Variants in CENPO observed in about 807,000 individuals in gnomAD.
The protein encoded by CENPO is centromere protein O.
Under a neutral mutation model 36.1 loss-of-function variants are expected in CENPO, and 30 were observed. The observed-to-expected ratio is 0.83, with a 90% CI of 0.62 to 1.13. CENPO has a LOEUF of 1.13. CENPO is among the 50% of genes most tolerant of loss of function. The pLI, the probability that CENPO is intolerant of heterozygous loss-of-function variation, is 0.00. For missense variants in CENPO, 349 were observed against 357.8 expected, an observed-to-expected ratio of 0.98 and a Z score of 0.20; for synonymous variants, 171 against 142.3, an observed-to-expected ratio of 1.20 and a Z score of -1.44.
intron 3 of CENPO, among the ~76,000 whole-genome samples, chr2:24,804,821 A>G (rs1199512013): frequency 6.6e-6 from 1 of 152,070 alleles, no homozygotes; most frequent in East Asian, 1.9e-4. Context: ...TGCTCTTCTC[A>G]AGGAGTATCT....
At chr2:24,799,884 A>G (rs766694224) in intron 3 of CENPO, 40 bp downstream of exon 3, 1 of 1,601,046 alleles carries the variant, frequency 6.2e-7, no homozygotes, top group South Asian at 1.1e-5. Flanking sequence ...TTTAGAGTAT[A>G]ATGAACAAAC....
chr2:24,798,159 T>C (rs1665994810), intron 2 of CENPO, among the ~76,000 whole-genome samples: 1 of 152,130 alleles, frequency 6.6e-6, no homozygotes, highest in African/African-American at 2.4e-5. Context: ...TGGACAACTC[T>C]TTTAAGTAGT....
chr2:24,806,725 A>C (rs752737377), intron 3 of CENPO, among the ~76,000 whole-genome samples: 6 of 152,162 alleles, frequency 3.9e-5, no homozygotes, highest in Non-Finnish European at 7.3e-5. Context: ...ATTTTTACCA[A>C]TACTTAAAGT....
intron 4 of CENPO, 146 bp downstream of exon 4, chr2:24,814,639 C>G (rs199796000): frequency 1.3e-5 from 6 of 474,674 alleles, no homozygotes; most frequent in Non-Finnish European, 2.3e-5. Context: ...CACACACACA[C>G]AGACACACAC....
Position 24,822,317 on chromosome 2 carries a change from G to T in CENPO, c.*2999G>T. The T allele has an allele frequency of 1.4e-6, 1 of 726,658 alleles. No individual in the cohort carries two copies. Among genetic ancestry groups the T allele is most frequent in the Non-Finnish European group, 2.2e-6 (1 of 455,958 alleles). 45.0% of individuals were successfully genotyped at this position (726,658 alleles called of 1,614,324 possible). ...TGAGCTGTGAACAGCAGGGGGTTGT[G>T]TGTCTGTTCTGTTTCTCTGCTTGCC... On this transcript the variant is annotated 3_prime_UTR_variant, in exon 8 of 8. Coordinates refer to ENST00000380834, the MANE Select transcript of CENPO (RefSeq NM_001322101.2).
At chr2:24,813,101 C>T (rs1666772882) in intron 3 of CENPO, among the ~76,000 whole-genome samples, 1 of 151,748 alleles carries the variant, frequency 6.6e-6, no homozygotes, top group Non-Finnish European at 1.5e-5. Context: ...CAAAAATTAG[C>T]GAGGCGTGGT....
Position 24,820,613 on chromosome 2 carries a change from G to A in CENPO, c.*1295G>A, listed in dbSNP as rs1250922920. The A allele has an allele frequency of 1.3e-6, 2 of 1,537,546 alleles. No homozygotes were observed. Among genetic ancestry groups the A allele is most frequent in the Non-Finnish European group, 1.8e-6 (2 of 1,134,094 alleles). On this transcript the variant is annotated 3_prime_UTR_variant, in exon 8 of 8. Coordinates refer to ENST00000380834, the MANE Select transcript of CENPO (RefSeq NM_001322101.2). Reference sequence around the variant, plus strand: ...CCACTTGCCCCACGTCTCTGCCTCTGGACTTACTGTTCAGGGCCAGGGTGG... The same window carrying A: ...CCACTTGCCCCACGTCTCTGCCTCTAGACTTACTGTTCAGGGCCAGGGTGG...
chr2:24,820,458 C>T lies in CENPO; in HGVS notation c.*1140C>T, dbSNP rs1667439135. 2 of 1,329,412 alleles carry T rather than the reference C, an allele frequency of 1.5e-6. No individual in the cohort carries two copies. Among genetic ancestry groups the T allele is most frequent in the African/African-American group, 1.5e-5 (1 of 66,544 alleles). 82.4% of individuals were successfully genotyped at this position (1,329,412 alleles called of 1,614,324 possible). ...GCTTTTCTGCCAGACGCCACTGAGACAGATCACAAGGTATTAGAAGGTTCA... is the reference window on the plus strand; with the variant it reads ...GCTTTTCTGCCAGACGCCACTGAGATAGATCACAAGGTATTAGAAGGTTCA... On this transcript the variant is annotated 3_prime_UTR_variant, in exon 8 of 8. Coordinates refer to ENST00000380834, the MANE Select transcript of CENPO (RefSeq NM_001322101.2).
chr2:24,816,892 C>A, intron 6 of CENPO, 75 bp downstream of exon 6: 1 of 1,402,498 alleles, frequency 7.1e-7, no homozygotes, highest in Non-Finnish European at 9.7e-7. Context: ...TAGGTAGAAT[C>A]CATGAAGTAG....
rs1345408102 is a variant in CENPO at position 24,814,471 on chromosome 2, T to C, written c.312T>C (p.Ile104=). Residue 104 remains isoleucine, a synonymous_variant, in exon 4 of 8, where the codon ATT becomes ATC. Transcript: ENST00000380834. ...LEEKLENVKA[I]LQAYHFTGLS... is the part of the protein sequence containing the mutation. Reference sequence around the variant, plus strand: ...AGAAATTGGAAAATGTGAAAGCCATTCTGCAGGCATATCATTTTACAGGTT... The same window carrying C: ...AGAAATTGGAAAATGTGAAAGCCATCCTGCAGGCATATCATTTTACAGGTT... 1 of 1,545,410 alleles carries C rather than the reference T, an allele frequency of 6.5e-7. No homozygotes were observed. Among genetic ancestry groups the C allele is most frequent in the Admixed American group, 1.7e-5 (1 of 59,934 alleles).
In CENPO at chr2:24,822,314, T is replaced by A. The variant is rs1265803659; in HGVS notation, c.*2996T>A. The stretch of plus-strand genomic sequence containing the variant: ...GCCTGAGCTGTGAACAGCAGGGGGT[T>A]GTGTGTCTGTTCTGTTTCTCTGCTT... On this transcript the variant is annotated 3_prime_UTR_variant, in exon 8 of 8. Transcript: ENST00000380834. The A allele has an allele frequency of 4.3e-6, 3 of 693,988 alleles. No homozygotes were observed. In the East Asian group the frequency reaches 8.9e-5, roughly 21 times the overall value. 43.0% of individuals were successfully genotyped at this position (693,988 alleles called of 1,614,324 possible). A position where few individuals can be genotyped will look rare whatever the true frequency, so the allele number is the denominator to read the frequency against.
intron 2 of CENPO, among the ~76,000 whole-genome samples, chr2:24,797,797 T>A (rs1665977125): frequency 6.6e-6 from 1 of 152,152 alleles, no homozygotes; most frequent in Admixed American, 6.6e-5. Context: ...GGAGGTGAGA[T>A]AAGGGAGCTT....
chr2:24,821,468 T>C lies in CENPO; in HGVS notation c.*2150T>C. 1 of 1,604,466 alleles carries C rather than the reference T, an allele frequency of 6.2e-7. No individual in the cohort carries two copies. The highest frequency in any genetic ancestry group is 8.5e-7 in the Non-Finnish European group (1 of 1,174,168). On this transcript the variant is annotated 3_prime_UTR_variant, in exon 8 of 8. Coordinates refer to ENST00000380834, the MANE Select transcript of CENPO (RefSeq NM_001322101.2). ...CTCTCCTGGTGGTGGGCCAGGCCCC[T>C]GCATGGGAAGGGAGCCTGCTGCGGG...
intron 7 of CENPO, among the ~76,000 whole-genome samples, chr2:24,818,994 G>GAA (rs1305824459): frequency 2.0e-5 from 3 of 152,218 alleles, no homozygotes; most frequent in African/African-American, 7.2e-5. Flanking sequence ...CCCTTTAGAA[G>GAA]AAAGTTTAAG....
rs1667694583 is a variant in CENPO, at chr2:24,821,426, T to C, written c.*2108T>C. The C allele has an allele frequency of 3.2e-6, 5 of 1,542,594 alleles. No homozygotes were observed. The East Asian group carries it at 6.8e-5, about 21-fold the overall frequency. ...ACCTCCCCACCCGAATTGCCTCAGT[T>C]GTCCTGAGCCTCATGTCTCTCCTGG... On this transcript the variant is annotated 3_prime_UTR_variant, in exon 8 of 8. Transcript: ENST00000380834.
chr2:24,813,919 G>A (rs1463460361), intron 3 of CENPO, among the ~76,000 whole-genome samples: 1 of 152,138 alleles, frequency 6.6e-6, no homozygotes, highest in Non-Finnish European at 1.5e-5. Flanking sequence ...ATTTTATCCA[G>A]CTTGCATAGT....
At chr2:24,796,534 C>T (rs1325673552) in intron 2 of CENPO, among the ~76,000 whole-genome samples, 5 of 151,994 alleles carry the variant, frequency 3.3e-5, no homozygotes, top group South Asian at 4.2e-4. Flanking sequence ...CTATAGTGGC[C>T]GGGTGCGGTG....
chr2:24,817,218 C>G (rs1269854723), intron 6 of CENPO, among the ~76,000 whole-genome samples: 1 of 152,158 alleles, frequency 6.6e-6, no homozygotes. Context: ...ACTTACTCCT[C>G]CCTACGGAGC....
chr2:24,795,458 G>A (rs1372628805), intron 2 of CENPO, among the ~76,000 whole-genome samples: 1 of 152,090 alleles, frequency 6.6e-6, no homozygotes, highest in Non-Finnish European at 1.5e-5. Flanking sequence ...AGGCCCAGCA[G>A]ATACACTCCC....
Sources: gnomAD v4.1 joint callset for allele counts (sites outside exome capture counted in the v4.1 genomes callset) on GRCh38, gnomAD v4.1.1 for gene constraint, MANE v1.5 for transcripts, NCBI Gene and HGNC (gene_info 2026-07-23, HGNC 2026-07-21) for gene names.